Variants in CNTNAP2 observed in about 807,000 individuals in gnomAD.
The protein encoded by CNTNAP2 is contactin-associated protein-like 2.
Under a neutral mutation model 155.2 loss-of-function variants are expected in CNTNAP2, and 98 were observed. That is an observed-to-expected ratio of 0.63 (90% CI 0.54 to 0.75). The LOEUF is 0.75. CNTNAP2 is among the 30% of genes least tolerant of loss of function. The pLI, the probability that CNTNAP2 is intolerant of heterozygous loss-of-function variation, is 0.00. For synonymous variants in CNTNAP2, 651 were observed against 631.2 expected (o/e 1.03, Z -0.47); for missense variants, 1,727 against 1,688.1 (o/e 1.02, Z -0.40).
chr7:148,326,864 CAAAAA>C (rs200129283), intron 21 of CNTNAP2, among the ~76,000 whole-genome samples: 1 of 129,084 alleles, frequency 7.7e-6, no homozygotes, highest in East Asian at 2.1e-4. Flanking sequence ...GACCCCGTCT[CAAAAA>C]AAAAAAAAAA....
chr7:146,480,707 T>A (rs1485271849), intron 1 of CNTNAP2, among the ~76,000 whole-genome samples: 7 of 146,542 alleles, frequency 4.8e-5, no homozygotes, highest in Non-Finnish European at 7.5e-5. Flanking sequence ...TTTTTTTTTT[T>A]AGACAGAGTC....
chr7:148,262,313 G>T (rs1796577814), intron 20 of CNTNAP2, among the ~76,000 whole-genome samples: 1 of 152,126 alleles, frequency 6.6e-6, no homozygotes. Flanking sequence ...TTTGGTTTTG[G>T]GTTGTACAAG....
chr7:147,124,007 A>G (rs966709374), intron 6 of CNTNAP2, among the ~76,000 whole-genome samples: 4 of 152,150 alleles, frequency 2.6e-5, no homozygotes, highest in African/African-American at 9.7e-5. Flanking sequence ...ATGCCATTGC[A>G]CTCCAGCTTG....
At chr7:147,754,357 ATTG>A (rs1460825248) in intron 13 of CNTNAP2, among the ~76,000 whole-genome samples, 10 of 152,240 alleles carry the variant, frequency 6.6e-5, no homozygotes, top group Non-Finnish European at 1.5e-4. Context: ...TTTAGTAGAA[ATTG>A]TTCTTTGGAC....
chr7:147,127,373 G>A (rs1801262043), intron 6 of CNTNAP2, among the ~76,000 whole-genome samples: 1 of 151,014 alleles, frequency 6.6e-6, no homozygotes, highest in Non-Finnish European at 1.5e-5. Flanking sequence ...TTGTAAATGA[G>A]GCCTTTGTTT....
rs147451191 is a variant in CNTNAP2 at position 147,492,946 on chromosome 7, A to G, written c.1777+6905A>G. 6.0e-3 allele frequency among the ~76,000 whole-genome samples: 915 copies of G among 152,254 alleles called. 5 individuals are homozygous for G. The highest frequency in any genetic ancestry group is 0.01 in the Middle Eastern group (3 of 294). ...ACTTAAGTTTCCTTTTGAAAATTCA[A>G]TGAGATATTGTTTATTAAAGTACTT... On this transcript the variant is annotated intron_variant, in intron 11 of 23. Transcript: ENST00000361727.
At chr7:146,464,698 G>T (rs1796690800) in intron 1 of CNTNAP2, among the ~76,000 whole-genome samples, 2 of 152,008 alleles carry the variant, frequency 1.3e-5, no homozygotes, top group Non-Finnish European at 2.9e-5. Context: ...GATCCATCTT[G>T]CATTCTAATA....
chr7:148,195,377 G>A (rs76466359), intron 18 of CNTNAP2, among the ~76,000 whole-genome samples: 5,296 of 152,222 alleles, frequency 0.035, 124 homozygotes, highest in Middle Eastern at 0.055. Context: ...GAAAAAAATA[G>A]GAAAAGAAAA....
chr7:146,550,767 G>C (rs1446098111), intron 1 of CNTNAP2, among the ~76,000 whole-genome samples: 1 of 151,958 alleles, frequency 6.6e-6, no homozygotes, highest in African/African-American at 2.4e-5. Flanking sequence ...CCTGTATATA[G>C]AAGGTATTCC....
intron 1 of CNTNAP2, among the ~76,000 whole-genome samples, chr7:146,188,729 A>C (rs1017264811): frequency 5.9e-5 from 9 of 152,172 alleles, no homozygotes; most frequent in Admixed American, 1.3e-4. Context: ...ACCACCAACC[A>C]AATAATAAAG....
At chr7:148,369,115 A>G (rs1328885959) in intron 21 of CNTNAP2, among the ~76,000 whole-genome samples, 1 of 151,746 alleles carries the variant, frequency 6.6e-6, no homozygotes, top group African/African-American at 2.4e-5. Context: ...ATACATGGTA[A>G]TAACCCCAAG....
intron 1 of CNTNAP2, among the ~76,000 whole-genome samples, chr7:146,448,773 T>C (rs1796437919): frequency 6.6e-6 from 1 of 152,086 alleles, no homozygotes; most frequent in Non-Finnish European, 1.5e-5. Context: ...AACTATTCTG[T>C]TAACACAAAA....
intron 3 of CNTNAP2, among the ~76,000 whole-genome samples, chr7:146,925,989 C>T (rs1796600057): frequency 6.6e-6 from 1 of 152,000 alleles, no homozygotes; most frequent in Admixed American, 6.6e-5. Context: ...CTATCTTGTC[C>T]AAACTGGAAG....
intron 8 of CNTNAP2, among the ~76,000 whole-genome samples, chr7:147,151,908 A>C (rs1801835023): frequency 6.6e-6 from 1 of 152,114 alleles, no homozygotes; most frequent in Non-Finnish European, 1.5e-5. Context: ...TGGAAATGGA[A>C]CTGTCTTTGG....
At chr7:148,133,281 G>A (rs1804871535) in intron 16 of CNTNAP2, among the ~76,000 whole-genome samples, 1 of 151,888 alleles carries the variant, frequency 6.6e-6, no homozygotes, top group African/African-American at 2.4e-5. Flanking sequence ...GGCCAACACG[G>A]TGAAACCCTG....
At chr7:146,732,368 C>A (rs561287157) in intron 1 of CNTNAP2, among the ~76,000 whole-genome samples, 1 of 152,222 alleles carries the variant, frequency 6.6e-6, no homozygotes, top group South Asian at 2.1e-4. Flanking sequence ...CCTTGCTGTT[C>A]CAGTTAAACT....
chr7:147,327,679 T>C (rs1158441482), intron 9 of CNTNAP2, among the ~76,000 whole-genome samples: 1 of 152,184 alleles, frequency 6.6e-6, no homozygotes, highest in Non-Finnish European at 1.5e-5. Context: ...TTTCCTCATG[T>C]TATTTATAAG....
chr7:147,215,046 G>A (rs1563119390), intron 8 of CNTNAP2, among the ~76,000 whole-genome samples: 1 of 151,994 alleles, frequency 6.6e-6, no homozygotes, highest in South Asian at 2.1e-4. Context: ...ACAGCATGGG[G>A]GAAACTACCC....
chr7:148,250,215 C>T (rs1259971618), intron 20 of CNTNAP2, among the ~76,000 whole-genome samples: 1 of 152,224 alleles, frequency 6.6e-6, no homozygotes, highest in Non-Finnish European at 1.5e-5. Flanking sequence ...ATCTCCTTTT[C>T]TCAGTGAGGC....
Sources: gnomAD v4.1 joint callset for allele counts (sites outside exome capture counted in the v4.1 genomes callset) on GRCh38, gnomAD v4.1.1 for gene constraint, MANE v1.5 for transcripts, NCBI Gene and HGNC (gene_info 2026-07-23, HGNC 2026-07-21) for gene names.